Variants in SLC52A3 observed in about 807,000 individuals in gnomAD.
SLC52A3 encodes the protein solute carrier family 52 member 3.
A neutral mutation model predicts 29.5 loss-of-function variants in SLC52A3; 20 were observed. The observed-to-expected ratio is 0.68, with a 90% CI of 0.48 to 0.99. SLC52A3 has a LOEUF of 0.99. Ranked by LOEUF, SLC52A3 falls within the 50% of genes least tolerant of loss-of-function variation. The probability of loss-of-function intolerance (pLI) is 0.00; values close to 1 mark genes in which losing one functional copy is unlikely to be tolerated. For synonymous variants in SLC52A3, 301 were observed against 271.0 expected, an observed-to-expected ratio of 1.11 and a Z score of -1.09; for missense variants, 548 against 612.9, an observed-to-expected ratio of 0.89 and a Z score of 1.12.
upstream of SLC52A3, among the ~76,000 whole-genome samples, chr20:776,989 A>G (rs575401910): frequency 6.6e-6 from 1 of 152,020 alleles, no homozygotes; most frequent in South Asian, 2.1e-4. Flanking sequence ...TAATCCCAGC[A>G]CTTTGGGAGG....
intron 1 of SLC52A3, among the ~76,000 whole-genome samples, chr20:774,036 C>T (rs768260764): frequency 6.6e-6 from 1 of 152,182 alleles, no homozygotes; most frequent in East Asian, 1.9e-4. Flanking sequence ...GAGCGCTGGT[C>T]TCTCCCATTG....
chr20:761,927 T>C, intron 3 of SLC52A3, 103 bp from the exon 4 acceptor site: 1 of 1,551,806 alleles, frequency 6.4e-7, no homozygotes, highest in Non-Finnish European at 8.8e-7. Context: ...ATAGTTAGTT[T>C]AGACCCATGT....
At chr20:763,428 GT>G in intron 3 of SLC52A3, 69 bp downstream of exon 3, 1 of 1,600,850 alleles carries the variant, frequency 6.2e-7, no homozygotes, top group Non-Finnish European at 8.5e-7. Context: ...CAGTAGGTGC[GT>G]TTGGAATTCT....
At position 765,361 on chromosome 20, in the gene SLC52A3, G is replaced by C. The variant is rs749661470; in HGVS notation, c.414C>G (p.Leu138=). Residue 138 remains leucine, a synonymous_variant, in exon 2 of 5, where the codon CTC becomes CTG. Transcript: ENST00000645534. This position sits in a 1 kb window ranked among gnomAD's most constrained non-coding sequence, Gnocchi z 6.6. ...GTCCTTCACCCACAAAGAAGGTGGTGAGGTAGTAGGTGGGCAGCCGGCTCA... is the reference window on the plus strand; with the variant it reads ...GTCCTTCACCCACAAAGAAGGTGGTCAGGTAGTAGGTGGGCAGCCGGCTCA... ...PFMSRLPTYY[L]TTFFVGEGLS... is the part of the protein sequence containing the mutation. The C allele has an allele frequency of 1.2e-6, 2 of 1,614,160 alleles. No homozygotes were observed. The highest frequency in any genetic ancestry group is 1.7e-5 in the Admixed American group (1 of 60,022).
chr20:769,921 C>T (rs1986798676), upstream of SLC52A3, among the ~76,000 whole-genome samples: 1 of 151,966 alleles, frequency 6.6e-6, no homozygotes, highest in African/African-American at 2.4e-5. Context: ...AAAAAAAAGG[C>T]GCAGTTTTTG....
upstream of SLC52A3, among the ~76,000 whole-genome samples, chr20:778,901 C>T (rs6107922): frequency 0.076 from 11,632 of 152,064 alleles, 771 homozygotes; most frequent in East Asian, 0.43. Flanking sequence ...CTTATCTCTG[C>T]CAAATACTAT....
chr20:774,578 C>T (rs984020375), intron 1 of SLC52A3, among the ~76,000 whole-genome samples: 3 of 152,146 alleles, frequency 2.0e-5, no homozygotes, highest in Admixed American at 2.0e-4. Context: ...GGAGAAAGGA[C>T]AACAGAGGCA....
upstream of SLC52A3, among the ~76,000 whole-genome samples, chr20:779,342 C>T (rs958267971): frequency 5.3e-5 from 8 of 152,260 alleles, no homozygotes; most frequent in East Asian, 1.5e-3. Flanking sequence ...GATGAGGGGG[C>T]CGGGCACGGT....
upstream of SLC52A3, among the ~76,000 whole-genome samples, chr20:779,180 G>A (rs1006386791): frequency 7.2e-5 from 11 of 152,246 alleles, no homozygotes; most frequent in African/African-American, 2.4e-4. Context: ...AATCTTATAT[G>A]GTAAATTCTT....
upstream of SLC52A3, among the ~76,000 whole-genome samples, chr20:769,196 G>A (rs1986776346): frequency 6.6e-6 from 1 of 152,248 alleles, no homozygotes; most frequent in Admixed American, 6.5e-5. Flanking sequence ...GGTTTGCCCA[G>A]TGTGTTTAAC....
At chr20:777,677 C>G (rs1465118562), upstream of SLC52A3, among the ~76,000 whole-genome samples, 1 of 152,234 alleles carries the variant, frequency 6.6e-6, no homozygotes, top group Non-Finnish European at 1.5e-5. Context: ...ATCAATCACT[C>G]TCCAGGCTAA....
rs541942877 is a variant in SLC52A3 at position 775,039 on chromosome 20, G to T, written c.-238+916C>A. ...CAGGCGCTCAGCCTGGCCAGTAGAA[G>T]CGGACAGTGAGTTCTCTTCCCCCTT... On this transcript the variant is annotated intron_variant, in intron 1 of 5. Transcript: ENST00000217254. Among the ~76,000 whole-genome samples the T allele has an allele frequency of 7.2e-5, 11 of 152,300 alleles. No individual in the cohort carries two copies. The South Asian group carries it at 1.9e-3, about 26-fold the overall frequency.
intron 1 of SLC52A3, among the ~76,000 whole-genome samples, chr20:775,546 C>T (rs1038568047): frequency 6.6e-6 from 1 of 152,154 alleles, no homozygotes; most frequent in Non-Finnish European, 1.5e-5. Flanking sequence ...TCCAGAAGTG[C>T]TGGGATTACA....
chr20:772,434 C>T (rs992698786), upstream of SLC52A3, among the ~76,000 whole-genome samples: 2 of 152,126 alleles, frequency 1.3e-5, no homozygotes, highest in Non-Finnish European at 2.9e-5. Context: ...CTCGGGGACA[C>T]AGTGAGGAAC....
intron 1 of SLC52A3, among the ~76,000 whole-genome samples, chr20:766,856 C>T (rs1262338184): frequency 1.3e-5 from 2 of 152,038 alleles, no homozygotes; most frequent in South Asian, 4.2e-4. Flanking sequence ...TAGAAGAGGG[C>T]CAAGGATATG....
chr20:776,758 T>C (rs542966202), upstream of SLC52A3, among the ~76,000 whole-genome samples: 6 of 146,504 alleles, frequency 4.1e-5, no homozygotes, highest in South Asian at 1.3e-3. Context: ...GGGGAAGAGT[T>C]GGGGGTGGCC....
At position 761,782 on chromosome 20, in the gene SLC52A3, G is replaced by C; in HGVS notation, c.1116C>G (p.Cys372Trp). ...CCATGGCCATGTTGTAGCCCCCAAA[G>C]CAGGTCCCAAGCACGGAGAGGACCC... ...FLGVLSVLGT[C>W]FGGYNMAMAV... The change falls in exon 4 of 5, where the codon TGC becomes TGG. Residue 372 changes from cysteine to tryptophan, a missense_variant. Cys to Trp is a radical substitution (Grantham distance 215). Coordinates refer to ENST00000645534, the MANE Select transcript of SLC52A3 (RefSeq NM_033409.4). 6.2e-7 allele frequency: 1 copy of C among 1,614,218 alleles called. No homozygotes were observed.
upstream of SLC52A3, among the ~76,000 whole-genome samples, chr20:777,905 A>G (rs1987109790): frequency 6.6e-6 from 1 of 152,200 alleles, no homozygotes; most frequent in African/African-American, 2.4e-5. Flanking sequence ...TAGCTCTGGA[A>G]AGCTATTCTT....
At chr20:761,440 G>A (rs2122507469) in intron 4 of SLC52A3, 1 of 751,972 alleles carries the variant, frequency 1.3e-6, no homozygotes, top group Middle Eastern at 3.9e-4. Flanking sequence ...GCTTTTCTGG[G>A]TTCACGTGCC....
Sources: gnomAD v4.1 joint callset for allele counts (sites outside exome capture counted in the v4.1 genomes callset) on GRCh38, gnomAD v4.1.1 for gene constraint, Gnocchi (gnomAD v3.1) non-coding constraint, MANE v1.5 for transcripts, NCBI Gene and HGNC (gene_info 2026-07-23, HGNC 2026-07-21) for gene names.